PTPRK: variants seen among roughly 807,000 people sequenced by gnomAD.
PTPRK encodes receptor-type tyrosine-protein phosphatase kappa.
Under a neutral mutation model 178.0 loss-of-function variants are expected in PTPRK, and 75 were observed. That is an observed-to-expected ratio of 0.42 (90% CI 0.35 to 0.51). The LOEUF (loss-of-function observed/expected upper bound fraction) is 0.51. Ranked by LOEUF, PTPRK falls within the 20% of genes least tolerant of loss-of-function variation. PTPRK has a pLI of 0.02. For synonymous variants in PTPRK, 637 were observed against 620.6 expected (o/e 1.03, Z -0.39); for missense variants, 1,441 against 1,797.8 (o/e 0.80, Z 3.59).
intron 2 of PTPRK, among the ~76,000 whole-genome samples, chr6:128,354,231 G>GGTTTTTTT (rs1562341681): frequency 1.2e-4 from 6 of 49,366 alleles, no homozygotes; most frequent in East Asian, 6.9e-4. Flanking sequence ...TTTTGTTTAT[G>GGTTTTTTT]TTTTTTTTTT....
chr6:128,379,497 G>C (rs956117576), intron 2 of PTPRK, among the ~76,000 whole-genome samples: 1 of 152,056 alleles, frequency 6.6e-6, no homozygotes. Context: ...TACTTTCTGG[G>C]AAAAGAAGGA....
At chr6:128,274,126 TA>T (rs1276093360) in intron 3 of PTPRK, among the ~76,000 whole-genome samples, 3 of 152,148 alleles carry the variant, frequency 2.0e-5, no homozygotes, top group African/African-American at 7.2e-5. Flanking sequence ...ACAATATGAT[TA>T]AAATGAATAT....
chr6:127,997,230 T>C (rs892607916), intron 16 of PTPRK, among the ~76,000 whole-genome samples: 2 of 152,070 alleles, frequency 1.3e-5, no homozygotes, highest in African/African-American at 2.4e-5. Context: ...AAAATGGACC[T>C]TGAAAGTATT....
chr6:128,257,689 A>C (rs1363105203), intron 3 of PTPRK, among the ~76,000 whole-genome samples: 1 of 152,200 alleles, frequency 6.6e-6, no homozygotes, highest in Non-Finnish European at 1.5e-5. Flanking sequence ...TAAGTCTCAG[A>C]AAGGCTTCAC....
intron 13 of PTPRK, among the ~76,000 whole-genome samples, chr6:128,041,333 C>T (rs1451414915): frequency 1.3e-5 from 2 of 152,002 alleles, no homozygotes; most frequent in East Asian, 1.9e-4. Context: ...GATAGATAAT[C>T]TTTGAAGTAA....
At chr6:128,195,825 A>G (rs1461110628) in intron 6 of PTPRK, among the ~76,000 whole-genome samples, 1 of 152,164 alleles carries the variant, frequency 6.6e-6, no homozygotes, top group Non-Finnish European at 1.5e-5. Context: ...ATTAGCTTAT[A>G]TAGATCCAAC....
intron 21 of PTPRK, 71 bp from the exon 22 acceptor site, chr6:127,985,946 T>A: frequency 6.7e-7 from 1 of 1,500,018 alleles, no homozygotes; most frequent in Non-Finnish European, 9.2e-7. Flanking sequence ...TAAACACAAT[T>A]ATGGGTACAG....
intron 2 of PTPRK, among the ~76,000 whole-genome samples, chr6:128,367,487 C>T (rs541369195): frequency 6.4e-4 from 97 of 152,270 alleles, no homozygotes; most frequent in Non-Finnish European, 1.2e-3. Context: ...TATTATCCAA[C>T]CTGACATAAC....
At chr6:128,405,401 T>A (rs533120295) in intron 1 of PTPRK, among the ~76,000 whole-genome samples, 18 of 152,314 alleles carry the variant, frequency 1.2e-4, no homozygotes, top group African/African-American at 4.3e-4. Context: ...CAAAGATCAT[T>A]AGTGAGTATA....
At chr6:128,343,511 A>AG (rs1463490625) in intron 2 of PTPRK, among the ~76,000 whole-genome samples, 1 of 151,704 alleles carries the variant, frequency 6.6e-6, no homozygotes, top group African/African-American at 2.4e-5. Flanking sequence ...AAAAAAAAAA[A>AG]AAAAGAAAAG....
intron 1 of PTPRK, among the ~76,000 whole-genome samples, chr6:128,482,471 C>A (rs1852221787): frequency 6.6e-6 from 1 of 152,080 alleles, no homozygotes; most frequent in South Asian, 2.1e-4. Flanking sequence ...GGACTAGAAA[C>A]AGAGACCTGT....
At chr6:128,372,518 A>G (rs1836433697) in intron 2 of PTPRK, among the ~76,000 whole-genome samples, 1 of 152,220 alleles carries the variant, frequency 6.6e-6, no homozygotes, top group African/African-American at 2.4e-5. Context: ...CACATTGTAT[A>G]CATTGTTCAT....
chr6:128,017,414 T>C (rs2114746226), intron 13 of PTPRK, among the ~76,000 whole-genome samples: 1 of 151,938 alleles, frequency 6.6e-6, no homozygotes, highest in African/African-American at 2.4e-5. Context: ...TGGTGACCTT[T>C]GATTGTGAGT....
Position 128,290,940 on chromosome 6 carries a change from C to T in PTPRK, c.495+31099G>A, listed in dbSNP as rs149481768. 6.1e-4 allele frequency among the ~76,000 whole-genome samples: 93 copies of T among 152,096 alleles called. 1 individual carries two copies. In the East Asian group the frequency reaches 0.015, roughly 24 times the overall value. On this transcript the variant is annotated intron_variant, in intron 3 of 29. Coordinates refer to ENST00000368226, the MANE Select transcript of PTPRK (RefSeq NM_002844.4). ...TTGCTGTTAATCTTCAGAACAGTCT[C>T]ATTTTATAAATAAGGAAAGAAATTA...
chr6:128,285,537 G>A (rs1038478328), intron 3 of PTPRK, among the ~76,000 whole-genome samples: 5 of 151,280 alleles, frequency 3.3e-5, no homozygotes, highest in Non-Finnish European at 7.4e-5. Context: ...AAGGCTGGGC[G>A]TGGTGGCTCA....
chr6:128,176,961 A>G (rs190100885), intron 7 of PTPRK, among the ~76,000 whole-genome samples: 1 of 151,802 alleles, frequency 6.6e-6, no homozygotes, highest in East Asian at 1.9e-4. Context: ...TGATTTAGAG[A>G]TTTCTTTCAT....
intron 3 of PTPRK, among the ~76,000 whole-genome samples, chr6:128,253,270 A>G (rs1439881538): frequency 6.6e-6 from 1 of 152,250 alleles, no homozygotes; most frequent in Admixed American, 6.5e-5. Flanking sequence ...GTTTACTGAA[A>G]TAATCCAAGA....
intron 7 of PTPRK, among the ~76,000 whole-genome samples, chr6:128,149,992 C>A (rs1797031012): frequency 6.6e-6 from 1 of 152,092 alleles, no homozygotes; most frequent in Non-Finnish European, 1.5e-5. Flanking sequence ...TCCTCAATAA[C>A]CCTAAATGAA....
At chr6:128,039,234 C>G (rs1776753993) in intron 13 of PTPRK, among the ~76,000 whole-genome samples, 1 of 152,080 alleles carries the variant, frequency 6.6e-6, no homozygotes, top group South Asian at 2.1e-4. Flanking sequence ...AACATATACT[C>G]ATGCTATGGA....
Sources: gnomAD v4.1 joint callset for allele counts (sites outside exome capture counted in the v4.1 genomes callset) on GRCh38, gnomAD v4.1.1 for gene constraint, MANE v1.5 for transcripts, NCBI Gene and HGNC (gene_info 2026-07-23, HGNC 2026-07-21) for gene names.